UPK1B: variants seen among roughly 807,000 people sequenced by gnomAD.
UPK1B encodes the protein uroplakin 1B.
In UPK1B, 28 loss-of-function variants were observed where a neutral mutation model predicts 34.2. That is an observed-to-expected ratio of 0.82 (90% CI 0.61 to 1.12). UPK1B has a LOEUF of 1.12. Among genes scored for constraint, UPK1B ranks in the 50% most tolerant of loss-of-function variants. UPK1B has a pLI of 0.00. For missense variants in UPK1B, 325 were observed against 320.9 expected, an observed-to-expected ratio of 1.01 and a Z score of -0.10; for synonymous variants, 81 against 110.4, an observed-to-expected ratio of 0.73 and a Z score of 1.67.
intron 6 of UPK1B, among the ~76,000 whole-genome samples, chr3:119,197,967 A>T (rs749625640): frequency 6.6e-6 from 1 of 152,222 alleles, no homozygotes; most frequent in Non-Finnish European, 1.5e-5. Flanking sequence ...AAGGCCCTTA[A>T]GTGGGAGCAG....
At chr3:119,175,012 C>CTTTTTTTTTTTTTTT (rs374721069) in intron 1 of UPK1B, among the ~76,000 whole-genome samples, 3 of 67,480 alleles carry the variant, frequency 4.4e-5, no homozygotes, top group Admixed American at 2.2e-4. Context: ...CTTTTATTTT[C>CTTTTTTTTTTTTTTT]TTTTTTTTTT....
intron 1 of UPK1B, among the ~76,000 whole-genome samples, chr3:119,184,542 A>AC (rs1366898632): frequency 1.7e-4 from 23 of 138,728 alleles, no homozygotes; most frequent in Admixed American, 1.5e-3. Flanking sequence ...ATATGGTGGA[A>AC]CCCCATCTCT....
intron 1 of UPK1B, among the ~76,000 whole-genome samples, chr3:119,182,776 C>T (rs932059154): frequency 6.6e-6 from 1 of 152,212 alleles, no homozygotes; most frequent in South Asian, 2.1e-4. Flanking sequence ...TGGACACCAA[C>T]CTAGTCTAAA....
chr3:119,201,449 A>G (rs1331965790), intron 7 of UPK1B, among the ~76,000 whole-genome samples: 4 of 152,214 alleles, frequency 2.6e-5, no homozygotes, highest in Non-Finnish European at 5.9e-5. Context: ...CAGCGTGTGC[A>G]GGGGAACTGC....
At chr3:119,202,788 A>G (rs946800255) in intron 7 of UPK1B, among the ~76,000 whole-genome samples, 4 of 152,206 alleles carry the variant, frequency 2.6e-5, no homozygotes, top group Non-Finnish European at 5.9e-5. Context: ...ACTAGAAGCA[A>G]GGAATGCTTA....
chr3:119,202,841 T>C (rs2107439524), intron 7 of UPK1B, among the ~76,000 whole-genome samples: 1 of 152,242 alleles, frequency 6.6e-6, no homozygotes, highest in East Asian at 1.9e-4. Flanking sequence ...CATTGGAGGA[T>C]AAGTGGCCTT....
chr3:119,186,751 G>C lies in UPK1B; in HGVS notation c.10G>C (p.Asp4His), dbSNP rs780764289. The C allele has an allele frequency of 4.3e-6, 7 of 1,613,988 alleles. No homozygotes were observed. The highest frequency in any genetic ancestry group is 5.9e-6 in the Non-Finnish European group (7 of 1,180,006). The stretch of plus-strand genomic sequence containing the variant: ...GTGGGAAATCCCGAAGATGGCCAAA[G>C]ACAACTCAACTGTTCGTTGCTTCCA... The part of the protein sequence containing the change: MAK[D>H]NSTVRCFQGL... The change falls in exon 2 of 8, where the codon GAC (aspartate) becomes CAC (histidine). Residue 4 changes from aspartate (D) to histidine (H), a missense_variant. By Grantham distance (81) the Asp-to-His change is moderately conservative. Transcript: ENST00000264234.
Position 119,194,205 on chromosome 3 carries a change from T to C in UPK1B, c.469-14T>C, listed in dbSNP as rs997015919. ...ACCACGAAAGAGAATTTTGTATCTCTCATCTGCTGACAGGACAATTGCTGT... is the reference window on the plus strand; with the variant it reads ...ACCACGAAAGAGAATTTTGTATCTCCCATCTGCTGACAGGACAATTGCTGT... On this transcript the variant is annotated splice_polypyrimidine_tract_variant and intron_variant, in intron 5 of 7. Coordinates refer to ENST00000264234, the MANE Select transcript of UPK1B (RefSeq NM_006952.4). 6.2e-7 allele frequency: 1 copy of C among 1,612,660 alleles called. No individual in the cohort carries two copies. Among genetic ancestry groups the C allele is most frequent in the African/African-American group, 1.3e-5 (1 of 74,872 alleles).
At chr3:119,190,475 TTA>T (rs747265202) in intron 4 of UPK1B, among the ~76,000 whole-genome samples, 156 bp downstream of exon 4, 79 of 152,244 alleles carry the variant, frequency 5.2e-4, no homozygotes, top group Non-Finnish European at 1.9e-4. Context: ...GAAATAGGCA[TTA>T]TCACTCTGGT....
At chr3:119,197,867 A>G (rs573584204) in intron 6 of UPK1B, among the ~76,000 whole-genome samples, 1 of 152,280 alleles carries the variant, frequency 6.6e-6, no homozygotes, top group East Asian at 1.9e-4. Flanking sequence ...CTTTGTTGAG[A>G]TGATATTTGC....
intron 1 of UPK1B, among the ~76,000 whole-genome samples, chr3:119,178,248 A>G (rs968869208): frequency 6.6e-6 from 1 of 152,232 alleles, no homozygotes; most frequent in African/African-American, 2.4e-5. Context: ...GTCTGGCCAA[A>G]TACTATAGAC....
At chr3:119,177,787 A>G (rs2077964242) in intron 1 of UPK1B, among the ~76,000 whole-genome samples, 1 of 152,236 alleles carries the variant, frequency 6.6e-6, no homozygotes, top group Non-Finnish European at 1.5e-5. Flanking sequence ...ACTTGGGTGA[A>G]GAAAAGACGT....
chr3:119,173,875 A>G (rs1352883255), intron 1 of UPK1B, among the ~76,000 whole-genome samples: 1 of 152,132 alleles, frequency 6.6e-6, no homozygotes, highest in Non-Finnish European at 1.5e-5. Context: ...TTCTCATTAA[A>G]CTTCTGGAGA....
chr3:119,186,735 C>T lies in UPK1B; in HGVS notation c.-7C>T. On this transcript the variant is annotated 5_prime_UTR_variant, in exon 2 of 8. Transcript: ENST00000264234. The stretch of plus-strand genomic sequence containing the variant: ...ACAGTGCCTTCAGCTTGTGGGAAAT[C>T]CCGAAGATGGCCAAAGACAACTCAA... The T allele has an allele frequency of 6.2e-7, 1 of 1,613,912 alleles. No homozygotes were observed. The highest frequency in any genetic ancestry group is 1.1e-5 in the South Asian group (1 of 90,982).
intron 7 of UPK1B, among the ~76,000 whole-genome samples, chr3:119,199,552 C>G (rs1431439082): frequency 3.0e-4 from 45 of 152,372 alleles, no homozygotes; most frequent in Admixed American, 2.9e-3. Context: ...TTCTAAAGAG[C>G]TGCCTCTGGC....
At chr3:119,197,911 G>T (rs879725402) in intron 6 of UPK1B, among the ~76,000 whole-genome samples, 2 of 152,174 alleles carry the variant, frequency 1.3e-5, no homozygotes, top group African/African-American at 4.8e-5. Flanking sequence ...ATGAGACACC[G>T]GAAGATTGGG....
At chr3:119,181,171 C>G (rs1576866581) in intron 1 of UPK1B, among the ~76,000 whole-genome samples, 1 of 152,144 alleles carries the variant, frequency 6.6e-6, no homozygotes, top group Non-Finnish European at 1.5e-5. Context: ...AGGTTTAGAG[C>G]TGGTGAGAAG....
intron 6 of UPK1B, among the ~76,000 whole-genome samples, chr3:119,196,442 T>C (rs879862151): frequency 6.6e-6 from 1 of 152,230 alleles, no homozygotes; most frequent in Non-Finnish European, 1.5e-5. Context: ...ATTTGATATT[T>C]TTAGTACTTA....
chr3:119,176,270 A>G (rs2077956129), intron 1 of UPK1B, among the ~76,000 whole-genome samples: 1 of 152,288 alleles, frequency 6.6e-6, no homozygotes, highest in South Asian at 2.1e-4. Context: ...GGTGAGGAAA[A>G]GAGGTAATGA....
Sources: gnomAD v4.1 joint callset for allele counts (sites outside exome capture counted in the v4.1 genomes callset) on GRCh38, gnomAD v4.1.1 for gene constraint, MANE v1.5 for transcripts, NCBI Gene and HGNC (gene_info 2026-07-23, HGNC 2026-07-21) for gene names.